The following GPR39 variants were observed in gnomAD, a reference collection of about 807,000 sequenced individuals.
GPR39 encodes the protein zinc sensing receptor.
In GPR39, 23 loss-of-function variants were observed where a neutral mutation model predicts 18.4. The ratio of observed to expected loss-of-function variants is 1.25; its 90% confidence interval spans 0.90 to 1.77. GPR39 has a LOEUF of 1.77. Among genes scored for constraint, GPR39 ranks in the 40% most tolerant of loss-of-function variants. The pLI is 0.00. For missense variants in GPR39, 647 were observed against 602.4 expected (o/e 1.07, Z -0.78); for synonymous variants, 280 against 257.9 (o/e 1.09, Z -0.82).
chr2:132,485,312 C>T (rs1343442828), intron 1 of GPR39, among the ~76,000 whole-genome samples: 2 of 152,154 alleles, frequency 1.3e-5, no homozygotes, highest in Non-Finnish European at 2.9e-5. Flanking sequence ...TGTCATGCCC[C>T]AATGTTGTTG....
intron 1 of GPR39, among the ~76,000 whole-genome samples, chr2:132,448,669 C>T (rs1680580791): frequency 6.6e-6 from 1 of 152,190 alleles, no homozygotes; most frequent in Non-Finnish European, 1.5e-5. Flanking sequence ...TTTACTAATG[C>T]AGAGACCCAC....
chr2:132,419,660 C>A (rs1182696319), intron 1 of GPR39, among the ~76,000 whole-genome samples: 5 of 152,162 alleles, frequency 3.3e-5, no homozygotes, highest in Non-Finnish European at 7.3e-5. Flanking sequence ...ACTAGTTCTC[C>A]CTTCCTCCAT....
In GPR39 at chr2:132,435,845, C is replaced by T. The variant is rs572077474; in HGVS notation, c.856+17947C>T. Among the ~76,000 whole-genome samples the T allele has an allele frequency of 1.8e-4, 27 of 152,312 alleles. No homozygotes were observed. In the South Asian group the frequency reaches 3.9e-3, roughly 22 times the overall value. On this transcript the variant is annotated intron_variant, in intron 1 of 1. Transcript: ENST00000329321. ...AGGGGATATGGGTTCCAGACTTAAG[C>T]ACTCCAAGGAATAGAAAGAGTGTGA...
intron 1 of GPR39, among the ~76,000 whole-genome samples, chr2:132,595,284 G>T (rs910512826): frequency 3.9e-5 from 6 of 152,138 alleles, no homozygotes; most frequent in African/African-American, 1.4e-4. Context: ...TTATAGGTGT[G>T]AGCCACCGTG....
chr2:132,535,293 A>C (rs1023990321), intron 1 of GPR39, among the ~76,000 whole-genome samples: 3 of 152,186 alleles, frequency 2.0e-5, no homozygotes, highest in Non-Finnish European at 4.4e-5. Flanking sequence ...GAGTTTTATC[A>C]AAGTCCTTTT....
At chr2:132,557,836 G>A (rs1448480296) in intron 1 of GPR39, among the ~76,000 whole-genome samples, 2 of 152,164 alleles carry the variant, frequency 1.3e-5, no homozygotes. Context: ...GTTTATCCGC[G>A]TTTCTCGTGA....
chr2:132,524,193 C>T (rs1325457432), intron 1 of GPR39, among the ~76,000 whole-genome samples: 2 of 152,196 alleles, frequency 1.3e-5, no homozygotes, highest in African/African-American at 2.4e-5. Flanking sequence ...GATAGAGCAG[C>T]CAGAACACCT....
intron 1 of GPR39, among the ~76,000 whole-genome samples, chr2:132,620,937 A>G (rs1157548383): frequency 6.6e-6 from 1 of 152,016 alleles, no homozygotes. Flanking sequence ...TATTTTTAGT[A>G]AAGACGGGGT....
intron 1 of GPR39, among the ~76,000 whole-genome samples, chr2:132,575,248 A>G (rs1344460299): frequency 1.3e-5 from 2 of 152,200 alleles, no homozygotes; most frequent in East Asian, 3.9e-4. Flanking sequence ...TCCATTTTTA[A>G]TTTAATCCAT....
At chr2:132,445,057 G>A (rs1189375139) in intron 1 of GPR39, among the ~76,000 whole-genome samples, 1 of 152,122 alleles carries the variant, frequency 6.6e-6, no homozygotes, top group Non-Finnish European at 1.5e-5. Context: ...TAAATTGGGT[G>A]TCAATGTGAT....
chr2:132,420,508 A>G (rs745974711), intron 1 of GPR39, among the ~76,000 whole-genome samples: 16 of 152,380 alleles, frequency 1.1e-4, no homozygotes, highest in Non-Finnish European at 2.1e-4. Flanking sequence ...CGCTGAATTT[A>G]ATATAGTAAT....
intron 1 of GPR39, among the ~76,000 whole-genome samples, chr2:132,633,029 G>T (rs934256832): frequency 6.6e-6 from 1 of 152,128 alleles, no homozygotes; most frequent in Admixed American, 6.6e-5. Flanking sequence ...CCCCACTGCT[G>T]CCTCCACTGT....
At chr2:132,430,048 G>C (rs1680196337) in intron 1 of GPR39, among the ~76,000 whole-genome samples, 1 of 152,240 alleles carries the variant, frequency 6.6e-6, no homozygotes, top group Admixed American at 6.5e-5. Flanking sequence ...TGGCAGGAAG[G>C]AGTGCAAAAA....
At chr2:132,573,927 TC>T (rs1399583483) in intron 1 of GPR39, among the ~76,000 whole-genome samples, 1 of 152,236 alleles carries the variant, frequency 6.6e-6, no homozygotes, top group Admixed American at 6.5e-5. Context: ...TTTTAACTCT[TC>T]CTTGAAGAAT....
At chr2:132,519,218 C>T (rs1679382236) in intron 1 of GPR39, among the ~76,000 whole-genome samples, 1 of 152,196 alleles carries the variant, frequency 6.6e-6, no homozygotes, top group South Asian at 2.1e-4. Flanking sequence ...AATAGATCCT[C>T]ATAAATATCC....
At chr2:132,636,339 C>A (rs1681755822) in intron 1 of GPR39, among the ~76,000 whole-genome samples, 1 of 152,182 alleles carries the variant, frequency 6.6e-6, no homozygotes, top group Admixed American at 6.5e-5. Context: ...CCCTGGCTAG[C>A]CACTCCTCTG....
chr2:132,622,233 C>T (rs954483534), intron 1 of GPR39, among the ~76,000 whole-genome samples: 1 of 152,076 alleles, frequency 6.6e-6, no homozygotes, highest in Non-Finnish European at 1.5e-5. Context: ...GTCTCTCCTA[C>T]AAATACAAAA....
intron 1 of GPR39, among the ~76,000 whole-genome samples, chr2:132,427,054 G>A (rs1680130459): frequency 7.1e-6 from 1 of 141,506 alleles, no homozygotes; most frequent in Non-Finnish European, 1.5e-5. Flanking sequence ...GAAGTCATTT[G>A]AATATATATA....
chr2:132,429,925 T>G (rs1050950030), intron 1 of GPR39, among the ~76,000 whole-genome samples: 6 of 152,226 alleles, frequency 3.9e-5, no homozygotes, highest in African/African-American at 1.4e-4. Context: ...AGTGATGAAT[T>G]TAGACTGAAA....
Sources: gnomAD v4.1 joint callset for allele counts (sites outside exome capture counted in the v4.1 genomes callset) on GRCh38, gnomAD v4.1.1 for gene constraint, MANE v1.5 for transcripts, NCBI Gene and HGNC (gene_info 2026-07-23, HGNC 2026-07-21) for gene names.